The following NAV3 variants were observed in gnomAD, a reference collection of about 807,000 sequenced individuals.
NAV3 encodes the protein neuron navigator 3.
NAV3 carries 87 observed loss-of-function variants against 244.7 expected under a neutral mutation model. That is an observed-to-expected ratio of 0.36 (90% CI 0.30 to 0.42). The LOEUF (loss-of-function observed/expected upper bound fraction) is 0.42, where lower values mean the gene tolerates loss of function less well. Among genes scored for constraint, NAV3 ranks in the 20% least tolerant of loss-of-function variants. NAV3 has a pLI of 1.00. For missense variants in NAV3, 2,663 were observed against 2,893.3 expected (o/e 0.92, Z 1.83); for synonymous variants, 1,126 against 1,042.2 (o/e 1.08, Z -1.55).
At chr12:77,752,995 C>T (rs1868939816) in intron 2 of NAV3, among the ~76,000 whole-genome samples, 1 of 152,102 alleles carries the variant, frequency 6.6e-6, no homozygotes, top group Non-Finnish European at 1.5e-5. Flanking sequence ...ATAAGGTAAA[C>T]TGAACAGGAA....
At chr12:77,959,169 G>T (rs1302751715) in intron 3 of NAV3, among the ~76,000 whole-genome samples, 1 of 152,078 alleles carries the variant, frequency 6.6e-6, no homozygotes. Flanking sequence ...TACAAGTTTT[G>T]CTACAAATTG....
chr12:77,990,937 A>G (rs1871336040), intron 5 of NAV3, among the ~76,000 whole-genome samples: 1 of 152,208 alleles, frequency 6.6e-6, no homozygotes, highest in South Asian at 2.1e-4. Context: ...AATTGTGTTA[A>G]TAATACACTT....
At chr12:78,011,546 G>A (rs1055751386) in intron 8 of NAV3, among the ~76,000 whole-genome samples, 1 of 152,138 alleles carries the variant, frequency 6.6e-6, no homozygotes, top group African/African-American at 2.4e-5. Flanking sequence ...ATGAGTTACA[G>A]TTTGTCACAA....
chr12:77,749,069 A>G (rs1232207592), intron 2 of NAV3, among the ~76,000 whole-genome samples: 1 of 152,212 alleles, frequency 6.6e-6, no homozygotes, highest in Admixed American at 6.5e-5. Context: ...ACTAGAAACC[A>G]TCCACGTTGT....
chr12:77,629,288 A>C (rs1360586262), intron 2 of NAV3, among the ~76,000 whole-genome samples: 2 of 152,246 alleles, frequency 1.3e-5, no homozygotes, highest in Non-Finnish European at 2.9e-5. Flanking sequence ...TCTAATTATA[A>C]ATTTTATGTG....
chr12:78,186,419 T>A (rs564605540), intron 31 of NAV3, among the ~76,000 whole-genome samples: 3 of 151,904 alleles, frequency 2.0e-5, no homozygotes, highest in Non-Finnish European at 2.9e-5. Flanking sequence ...AAGATAGCAC[T>A]TGTGAATTCT....
chr12:77,818,346 T>A (rs759272388), intron 2 of NAV3, among the ~76,000 whole-genome samples: 6 of 152,170 alleles, frequency 3.9e-5, no homozygotes, highest in Non-Finnish European at 8.8e-5. Flanking sequence ...AAGTCATGAT[T>A]TTTAAAACTG....
At chr12:78,207,912 A>C (rs1467170157) in intron 39 of NAV3, among the ~76,000 whole-genome samples, 2 of 152,178 alleles carry the variant, frequency 1.3e-5, no homozygotes, top group East Asian at 3.9e-4. Context: ...ATAGGATGGA[A>C]TCTGGAAGCT....
At chr12:78,092,499 T>TC (rs1244158741) in intron 12 of NAV3, among the ~76,000 whole-genome samples, 2 of 134,436 alleles carry the variant, frequency 1.5e-5, no homozygotes, top group East Asian at 2.1e-4. Flanking sequence ...TTCTTTTTTT[T>TC]TTTTTTTTTT....
intron 22 of NAV3, among the ~76,000 whole-genome samples, chr12:78,151,831 C>T (rs1957092142): frequency 6.6e-6 from 1 of 150,774 alleles, no homozygotes; most frequent in Admixed American, 6.6e-5. Context: ...AAGGGACCTC[C>T]CTGTACTATC....
intron 9 of NAV3, among the ~76,000 whole-genome samples, chr12:78,032,534 T>C (rs1450726669): frequency 6.6e-6 from 1 of 152,208 alleles, no homozygotes; most frequent in Non-Finnish European, 1.5e-5. Flanking sequence ...AATTTGCTTT[T>C]GCTTATTATG....
chr12:77,635,051 A>T (rs1872096614), intron 2 of NAV3, among the ~76,000 whole-genome samples: 1 of 152,150 alleles, frequency 6.6e-6, no homozygotes, highest in African/African-American at 2.4e-5. Context: ...CAACATGGTG[A>T]AACCCTGTCT....
chr12:77,929,191 G>A (rs1029555097), intron 1 of NAV3, among the ~76,000 whole-genome samples: 2 of 152,072 alleles, frequency 1.3e-5, no homozygotes, highest in African/African-American at 4.8e-5. Context: ...GATATACCAG[G>A]ATTTTAATAT....
At chr12:77,791,405 C>A (rs753582702) in intron 2 of NAV3, among the ~76,000 whole-genome samples, 2 of 151,420 alleles carry the variant, frequency 1.3e-5, no homozygotes, top group South Asian at 4.2e-4. Flanking sequence ...TTTTCTTCTT[C>A]ACTCAATCTT....
intron 2 of NAV3, among the ~76,000 whole-genome samples, chr12:77,631,485 G>A (rs913164403): frequency 2.6e-4 from 39 of 148,038 alleles, no homozygotes; most frequent in African/African-American, 8.7e-4. Flanking sequence ...AAAAAAAAAA[G>A]CTTAGATCTC....
At chr12:77,828,529 A>G (rs1280892010), upstream of NAV3, among the ~76,000 whole-genome samples, 2 of 151,960 alleles carry the variant, frequency 1.3e-5, no homozygotes, top group African/African-American at 2.4e-5. Context: ...AACTTCATCT[A>G]CAAGGTATCA....
rs184819902 is a variant in NAV3, at chr12:78,120,949, A to G, written c.3750-991A>G. ...CTAAAGGCTTTATTCCTCCGTAGTA[A>G]TATTAATGCTGCAGAACTGTCTTTT... On this transcript the variant is annotated intron_variant, in intron 15 of 39. Transcript: ENST00000397909. 7.9e-5 allele frequency among the ~76,000 whole-genome samples: 12 copies of G among 152,324 alleles called. No homozygotes were observed. The East Asian group carries it at 2.3e-3, about 29-fold the overall frequency.
chr12:77,669,850 A>C (rs779780418), intron 2 of NAV3, among the ~76,000 whole-genome samples: 4 of 152,140 alleles, frequency 2.6e-5, no homozygotes, highest in Non-Finnish European at 5.9e-5. Flanking sequence ...AATGGACTTA[A>C]CAAATATTTA....
chr12:77,890,091 A>G (rs1311639334), intron 1 of NAV3, among the ~76,000 whole-genome samples: 1 of 152,176 alleles, frequency 6.6e-6, no homozygotes, highest in Non-Finnish European at 1.5e-5. Flanking sequence ...TTAGTCTCAT[A>G]AAGCTTTATT....
Sources: gnomAD v4.1 joint callset for allele counts (sites outside exome capture counted in the v4.1 genomes callset) on GRCh38, gnomAD v4.1.1 for gene constraint, MANE v1.5 for transcripts, NCBI Gene and HGNC (gene_info 2026-07-23, HGNC 2026-07-21) for gene names.